MAML2: variants seen among roughly 807,000 people sequenced by gnomAD.
The protein encoded by MAML2 is mastermind-like protein 2.
Under a neutral mutation model 96.1 loss-of-function variants are expected in MAML2, and 22 were observed. The observed-to-expected ratio is 0.23, with a 90% CI of 0.16 to 0.33. The LOEUF (loss-of-function observed/expected upper bound fraction) is 0.33, where lower values mean the gene tolerates loss of function less well. Ranked by LOEUF, MAML2 falls within the 10% of genes least tolerant of loss-of-function variation. The pLI, the probability that MAML2 is intolerant of heterozygous loss-of-function variation, is 1.00. For synonymous variants in MAML2, 561 were observed against 521.3 expected (o/e 1.08, Z -1.04); for missense variants, 1,367 against 1,392.4 (o/e 0.98, Z 0.29).
At chr11:95,988,058 T>C (rs1857856001) in intron 3 of MAML2, among the ~76,000 whole-genome samples, 1 of 152,000 alleles carries the variant, frequency 6.6e-6, no homozygotes. Context: ...TCCAAAAGCA[T>C]CTGTCATTCT....
chr11:96,091,806 C>G, intron 2 of MAML2, 86 bp downstream of exon 2: 1 of 1,502,242 alleles, frequency 6.7e-7, no homozygotes. Flanking sequence ...GATCTTGTCC[C>G]AATACAAACA....
chr11:96,105,551 T>C (rs1157597457), intron 1 of MAML2, among the ~76,000 whole-genome samples: 1 of 152,236 alleles, frequency 6.6e-6, no homozygotes, highest in Non-Finnish European at 1.5e-5. Context: ...ATTTAGAAGG[T>C]AGTTTGGCAA....
chr11:96,264,275 T>C (rs1392788307), intron 1 of MAML2, among the ~76,000 whole-genome samples: 1 of 152,158 alleles, frequency 6.6e-6, no homozygotes, highest in African/African-American at 2.4e-5. Flanking sequence ...CCCATCCATG[T>C]GTTCGTTTTT....
At chr11:96,088,833 A>G (rs1859659614) in intron 2 of MAML2, among the ~76,000 whole-genome samples, 2 of 152,206 alleles carry the variant, frequency 1.3e-5, no homozygotes, top group South Asian at 2.1e-4. Context: ...AATTGCCCAC[A>G]TTCAGTCTCT....
intron 1 of MAML2, among the ~76,000 whole-genome samples, chr11:96,149,716 AGAGT>A (rs1428632121): frequency 6.6e-6 from 1 of 152,204 alleles, no homozygotes; most frequent in Non-Finnish European, 1.5e-5. Context: ...CCCAGGCGAC[AGAGT>A]GAGACTCTGT....
chr11:96,057,018 C>A (rs1859081054), intron 2 of MAML2, among the ~76,000 whole-genome samples: 1 of 152,110 alleles, frequency 6.6e-6, no homozygotes, highest in South Asian at 2.1e-4. Flanking sequence ...TCTAGTTTCA[C>A]CTTCTGAGTT....
intron 1 of MAML2, among the ~76,000 whole-genome samples, chr11:96,184,174 G>A (rs535494742): frequency 2.6e-5 from 4 of 152,208 alleles, no homozygotes; most frequent in African/African-American, 7.2e-5. Flanking sequence ...TGGGCACGGC[G>A]GCTCACGCCT....
At chr11:96,041,338 A>G (rs1187462786) in intron 2 of MAML2, among the ~76,000 whole-genome samples, 1 of 146,998 alleles carries the variant, frequency 6.8e-6, no homozygotes, top group African/African-American at 2.5e-5. Context: ...TAAAAATACA[A>G]AAAAAAAAAA....
Position 96,091,880 on chromosome 11 carries a change from T to C in MAML2, c.2139+12A>G. On this transcript the variant is annotated intron_variant, in intron 2 of 4. Coordinates refer to ENST00000524717, the MANE Select transcript of MAML2 (RefSeq NM_032427.4). ...TCTGGGAACTCTGTATTTGGAGTAG[T>C]AGAGCCCTTACCTGTCTCTGTTGTT... 1 of 1,608,976 alleles carries C rather than the reference T, an allele frequency of 6.2e-7. No homozygotes were observed. Among genetic ancestry groups the C allele is most frequent in the Non-Finnish European group, 8.5e-7 (1 of 1,177,382 alleles).
At chr11:96,230,564 G>T (rs1252177505) in intron 1 of MAML2, among the ~76,000 whole-genome samples, 1 of 152,018 alleles carries the variant, frequency 6.6e-6, no homozygotes, top group Non-Finnish European at 1.5e-5. Flanking sequence ...TCTTCAAATG[G>T]GTAAACGAAT....
At chr11:96,191,979 C>T (rs1861660102) in intron 1 of MAML2, among the ~76,000 whole-genome samples, 1 of 152,136 alleles carries the variant, frequency 6.6e-6, no homozygotes, top group Non-Finnish European at 1.5e-5. Flanking sequence ...TTGGGCTGTT[C>T]TGGCAGGAAT....
intron 1 of MAML2, among the ~76,000 whole-genome samples, chr11:96,223,557 TTTTC>T (rs1206969088): frequency 2.6e-5 from 4 of 151,304 alleles, no homozygotes; most frequent in Non-Finnish European, 4.4e-5. Flanking sequence ...TTTTTTCTTT[TTTTC>T]TTTGATTGTC....
chr11:96,202,198 A>T (rs2135931290), intron 1 of MAML2, among the ~76,000 whole-genome samples: 1 of 143,346 alleles, frequency 7.0e-6, no homozygotes, highest in East Asian at 2.0e-4. Context: ...AAAAAAAAAA[A>T]AAATTAGCCG....
chr11:96,257,552 C>T (rs1478112176), intron 1 of MAML2, among the ~76,000 whole-genome samples: 3 of 152,152 alleles, frequency 2.0e-5, no homozygotes, highest in Non-Finnish European at 4.4e-5. Context: ...GTTCAGTGAG[C>T]ATAATTATAG....
chr11:96,110,964 G>C (rs1860109935), intron 1 of MAML2, among the ~76,000 whole-genome samples: 1 of 152,120 alleles, frequency 6.6e-6, no homozygotes, highest in Non-Finnish European at 1.5e-5. Context: ...TGAATAAGAA[G>C]GCTCTAATAA....
intron 1 of MAML2, among the ~76,000 whole-genome samples, chr11:96,253,002 C>G (rs184474141): frequency 6.6e-6 from 1 of 152,170 alleles, no homozygotes; most frequent in Non-Finnish European, 1.5e-5. Context: ...TATCGTGTCT[C>G]TTTAAACAAA....
At chr11:96,205,335 T>C (rs1861880768) in intron 1 of MAML2, among the ~76,000 whole-genome samples, 1 of 152,222 alleles carries the variant, frequency 6.6e-6, no homozygotes, top group South Asian at 2.1e-4. Context: ...CTTAACATGA[T>C]GCCTGGTATA....
chr11:96,176,422 A>C (rs1428873639), intron 1 of MAML2, among the ~76,000 whole-genome samples: 1 of 152,178 alleles, frequency 6.6e-6, no homozygotes, highest in Non-Finnish European at 1.5e-5. Context: ...CTGAGAAAAT[A>C]ATTAAGTGTT....
intron 2 of MAML2, among the ~76,000 whole-genome samples, chr11:96,029,806 T>C (rs182593269): frequency 9.2e-5 from 14 of 152,330 alleles, no homozygotes; most frequent in Admixed American, 2.6e-4. Flanking sequence ...TGCTCAAAGA[T>C]AGGCCTAAAG....
Sources: gnomAD v4.1 joint callset for allele counts (sites outside exome capture counted in the v4.1 genomes callset) on GRCh38, gnomAD v4.1.1 for gene constraint, MANE v1.5 for transcripts, NCBI Gene and HGNC (gene_info 2026-07-23, HGNC 2026-07-21) for gene names.